Variants in KCNH8 observed in about 807,000 individuals in gnomAD.
KCNH8 encodes voltage-gated delayed rectifier potassium channel KCNH8.
KCNH8 carries 70 observed loss-of-function variants against 103.6 expected under a neutral mutation model. That is an observed-to-expected ratio of 0.68 (90% CI 0.56 to 0.82). The LOEUF is 0.82. Ranked by LOEUF, KCNH8 falls within the 40% of genes least tolerant of loss-of-function variation. The pLI is 0.00. For missense variants in KCNH8, 1,217 were observed against 1,329.9 expected (o/e 0.92, Z 1.32); for synonymous variants, 498 against 489.4 (o/e 1.02, Z -0.23).
At chr3:19,178,169 C>G (rs2063418495) in intron 1 of KCNH8, among the ~76,000 whole-genome samples, 1 of 151,808 alleles carries the variant, frequency 6.6e-6, no homozygotes, top group Admixed American at 6.6e-5. Flanking sequence ...AGAATTGAGG[C>G]TTCTGAAATA....
intron 1 of KCNH8, among the ~76,000 whole-genome samples, chr3:19,203,667 T>C (rs2125219498): frequency 6.6e-6 from 1 of 152,098 alleles, no homozygotes; most frequent in South Asian, 2.1e-4. Context: ...ATTAGTGACA[T>C]GGTAGTAGGG....
intron 2 of KCNH8, among the ~76,000 whole-genome samples, chr3:19,257,195 G>C (rs1392223805): frequency 2.0e-5 from 3 of 152,014 alleles, no homozygotes; most frequent in African/African-American, 7.2e-5. Flanking sequence ...TTAGAAAGCA[G>C]ATGCTTATCT....
At chr3:19,335,824 A>G (rs546341423) in intron 3 of KCNH8, among the ~76,000 whole-genome samples, 2 of 151,758 alleles carry the variant, frequency 1.3e-5, no homozygotes, top group East Asian at 3.9e-4. Context: ...TGAAAATACA[A>G]TTTTCTACAA....
At chr3:19,177,677 AG>A (rs1470318102) in intron 1 of KCNH8, among the ~76,000 whole-genome samples, 1 of 152,060 alleles carries the variant, frequency 6.6e-6, no homozygotes, top group Non-Finnish European at 1.5e-5. Context: ...AGAGAGAACA[AG>A]GGTGTGTTGA....
chr3:19,148,674 C>A lies in KCNH8; in HGVS notation c.-46C>A, dbSNP rs778147958. 8.8e-6 allele frequency: 14 copies of A among 1,582,426 alleles called. No individual in the cohort carries two copies. The highest frequency in any genetic ancestry group is 1.1e-5 in the Non-Finnish European group (13 of 1,150,850). On this transcript the variant is annotated 5_prime_UTR_variant, in exon 1 of 16. Coordinates refer to ENST00000328405, the MANE Select transcript of KCNH8 (RefSeq NM_144633.3). ...TCTTGGCACTTTCCTTTCGAACCAT[C>A]CTTCTGGACAAACTTTGATGGAGAA...
intron 1 of KCNH8, among the ~76,000 whole-genome samples, chr3:19,169,057 C>G (rs1003914178): frequency 5.3e-5 from 8 of 152,064 alleles, no homozygotes; most frequent in Non-Finnish European, 1.2e-4. Flanking sequence ...TCGAATCTGT[C>G]ACCTAAACAT....
At chr3:19,325,247 C>G (rs1346936057) in intron 3 of KCNH8, among the ~76,000 whole-genome samples, 3 of 152,126 alleles carry the variant, frequency 2.0e-5, no homozygotes, top group African/African-American at 4.8e-5. Flanking sequence ...CATAAAAACC[C>G]TGGAAGACAT....
intron 3 of KCNH8, among the ~76,000 whole-genome samples, chr3:19,327,409 C>T (rs1435122431): frequency 6.6e-6 from 1 of 152,166 alleles, no homozygotes; most frequent in African/African-American, 2.4e-5. Flanking sequence ...CCTGTCTGAG[C>T]CTCCCAAGTA....
At chr3:19,422,309 A>G (rs539242780) in intron 7 of KCNH8, among the ~76,000 whole-genome samples, 1 of 152,124 alleles carries the variant, frequency 6.6e-6, no homozygotes, top group Non-Finnish European at 1.5e-5. Flanking sequence ...AAAATTGTCA[A>G]CTAATCTTCC....
intron 1 of KCNH8, among the ~76,000 whole-genome samples, chr3:19,222,760 T>A (rs1265759481): frequency 6.6e-6 from 1 of 152,192 alleles, no homozygotes; most frequent in African/African-American, 2.4e-5. Flanking sequence ...TGACCACAGA[T>A]AAATCACTAA....
At chr3:19,442,121 A>G (rs2067293107) in intron 8 of KCNH8, among the ~76,000 whole-genome samples, 1 of 152,214 alleles carries the variant, frequency 6.6e-6, no homozygotes. Flanking sequence ...GATGTAGAGC[A>G]GTGACAGCCT....
chr3:19,257,388 ATTC>A (rs2064360141), intron 2 of KCNH8, among the ~76,000 whole-genome samples: 1 of 151,944 alleles, frequency 6.6e-6, no homozygotes, highest in Admixed American at 6.6e-5. Flanking sequence ...GGTTTTCCCT[ATTC>A]TTTCTCGTTA....
intron 3 of KCNH8, among the ~76,000 whole-genome samples, chr3:19,297,995 G>A (rs981590484): frequency 6.6e-6 from 1 of 152,246 alleles, no homozygotes; most frequent in African/African-American, 2.4e-5. Context: ...GTGTTTTTTG[G>A]TGTCTCTCCA....
intron 1 of KCNH8, among the ~76,000 whole-genome samples, chr3:19,234,660 C>T (rs1048460763): frequency 3.1e-5 from 4 of 130,980 alleles, no homozygotes; most frequent in African/African-American, 1.2e-4. Context: ...GGAGCCGGCT[C>T]CCGGCCTTGG....
At chr3:19,239,343 GA>G (rs1023519008) in intron 1 of KCNH8, among the ~76,000 whole-genome samples, 3 of 152,178 alleles carry the variant, frequency 2.0e-5, no homozygotes, top group African/African-American at 4.8e-5. Context: ...AGGCATGGAT[GA>G]GGGGCAGAAA....
At chr3:19,415,075 C>T (rs2066842393) in intron 7 of KCNH8, among the ~76,000 whole-genome samples, 1 of 151,924 alleles carries the variant, frequency 6.6e-6, no homozygotes, top group South Asian at 2.1e-4. Flanking sequence ...TTTTACTACA[C>T]AAATGTGTTA....
intron 3 of KCNH8, among the ~76,000 whole-genome samples, chr3:19,301,279 C>T (rs1162400483): frequency 6.7e-6 from 1 of 149,902 alleles, no homozygotes; most frequent in African/African-American, 2.4e-5. Context: ...CAATTTGTAT[C>T]CATTTTTAAA....
At chr3:19,279,682 A>G (rs539407124) in intron 2 of KCNH8, among the ~76,000 whole-genome samples, 1 of 152,206 alleles carries the variant, frequency 6.6e-6, no homozygotes, top group Non-Finnish European at 1.5e-5. Flanking sequence ...CACATCATAC[A>G]TCATCCAACC....
At chr3:19,515,996 T>G (rs755710762) in intron 14 of KCNH8, among the ~76,000 whole-genome samples, 9 of 152,042 alleles carry the variant, frequency 5.9e-5, no homozygotes, top group Non-Finnish European at 1.0e-4. Flanking sequence ...AATCTTGAGT[T>G]TGTTGCTCGT....
Sources: gnomAD v4.1 joint callset for allele counts (sites outside exome capture counted in the v4.1 genomes callset) on GRCh38, gnomAD v4.1.1 for gene constraint, MANE v1.5 for transcripts, NCBI Gene and HGNC (gene_info 2026-07-23, HGNC 2026-07-21) for gene names.